Variants in MALRD1 observed in about 807,000 individuals in gnomAD.
MALRD1 encodes the protein MAM and LDL-receptor class A domain-containing protein 1.
MALRD1 carries 247 observed loss-of-function variants against 242.1 expected under a neutral mutation model. That is an observed-to-expected ratio of 1.02 (90% CI 0.92 to 1.13). The LOEUF is 1.13. Among genes scored for constraint, MALRD1 ranks in the 50% most tolerant of loss-of-function variants. MALRD1 has a pLI of 0.00. For synonymous variants in MALRD1, 995 were observed against 866.6 expected, an observed-to-expected ratio of 1.15 and a Z score of -2.60; for missense variants, 2,989 against 2,533.1, an observed-to-expected ratio of 1.18 and a Z score of -3.86.
chr10:19,354,618 G>A (rs1335079814), intron 26 of MALRD1, among the ~76,000 whole-genome samples: 2 of 151,882 alleles, frequency 1.3e-5, no homozygotes, highest in Admixed American at 6.6e-5. Context: ...GTGAGAACAC[G>A]TGATATTTGT....
At chr10:19,500,697 C>G (rs187484769) in intron 31 of MALRD1, among the ~76,000 whole-genome samples, 89 of 152,274 alleles carry the variant, frequency 5.8e-4, no homozygotes, top group African/African-American at 1.6e-3. Context: ...ATTTTGGCCT[C>G]TTGGACATAG....
At chr10:19,265,741 T>C (rs1041834316) in intron 19 of MALRD1, among the ~76,000 whole-genome samples, 1 of 152,128 alleles carries the variant, frequency 6.6e-6, no homozygotes, top group African/African-American at 2.4e-5. Flanking sequence ...CAATTTCCTC[T>C]AAAGTTTCAT....
At position 19,680,323 on chromosome 10, in the gene MALRD1, T is replaced by C. The variant is rs532723457; in HGVS notation, c.6138-11959T>C. On this transcript the variant is annotated intron_variant, in intron 36 of 39. Transcript: ENST00000454679. ...CTTGTTTTATGAATCTGGGAGCTCC[T>C]GTATTGGGTACATATATATTTAGAA... 2.4e-3 allele frequency among the ~76,000 whole-genome samples: 359 copies of C among 150,580 alleles called. 2 individuals are homozygous for C. The highest frequency in any genetic ancestry group is 8.4e-3 in the African/African-American group (338 of 40,064).
intron 5 of MALRD1, among the ~76,000 whole-genome samples, chr10:19,122,183 G>A: frequency 6.6e-6 from 1 of 152,156 alleles, no homozygotes; most frequent in East Asian, 1.9e-4. Context: ...AGATAGGTGA[G>A]GGAAATAACT....
chr10:19,392,098 G>C (rs1589012167), intron 28 of MALRD1, among the ~76,000 whole-genome samples: 1 of 152,174 alleles, frequency 6.6e-6, no homozygotes, highest in African/African-American at 2.4e-5. Context: ...TTTATATGGG[G>C]TAATACTGAT....
intron 24 of MALRD1, among the ~76,000 whole-genome samples, chr10:19,337,904 T>C (rs1843679867): frequency 6.6e-6 from 1 of 151,600 alleles, no homozygotes; most frequent in African/African-American, 2.4e-5. Flanking sequence ...CCACTAAAAA[T>C]ACAAAAAATT....
At chr10:19,077,553 GA>G (rs1270778223) in intron 2 of MALRD1, among the ~76,000 whole-genome samples, 1 of 151,884 alleles carries the variant, frequency 6.6e-6, no homozygotes, top group Non-Finnish European at 1.5e-5. Flanking sequence ...ATCATGTTTA[GA>G]AAAGAACACT....
chr10:19,191,838 A>C (rs1176257682), intron 14 of MALRD1, among the ~76,000 whole-genome samples: 1 of 152,034 alleles, frequency 6.6e-6, no homozygotes, highest in East Asian at 1.9e-4. Context: ...TCTCTACTAA[A>C]AATACAAAAA....
At chr10:19,095,282 A>G (rs1199658107) in intron 4 of MALRD1, among the ~76,000 whole-genome samples, 3 of 152,202 alleles carry the variant, frequency 2.0e-5, no homozygotes, top group African/African-American at 2.4e-5. Flanking sequence ...TTGGTTGTAA[A>G]TCACTATAAT....
intron 4 of MALRD1, among the ~76,000 whole-genome samples, chr10:19,099,971 G>C (rs1252636124): frequency 6.6e-6 from 1 of 152,054 alleles, no homozygotes; most frequent in Non-Finnish European, 1.5e-5. Flanking sequence ...ATGTTGGCCA[G>C]GTTAGTCTCG....
At chr10:19,389,208 A>G in intron 27 of MALRD1, 1 of 603,016 alleles carries the variant, frequency 1.7e-6, no homozygotes, top group Non-Finnish European at 3.1e-6. Flanking sequence ...GACGGCATAA[A>G]TATCCCATCA....
intron 17 of MALRD1, among the ~76,000 whole-genome samples, chr10:19,205,746 G>A (rs548579440): frequency 3.3e-4 from 50 of 152,098 alleles, no homozygotes; most frequent in Non-Finnish European, 6.9e-4. Flanking sequence ...GCTGGAGCAA[G>A]GAATGAAGGG....
At chr10:19,351,752 A>G (rs1271575690) in intron 25 of MALRD1, among the ~76,000 whole-genome samples, 1 of 152,136 alleles carries the variant, frequency 6.6e-6, no homozygotes. Flanking sequence ...AAAGAAAGTA[A>G]ACTCAGCCCT....
At chr10:19,731,514 G>T (rs1482533079) in intron 39 of MALRD1, among the ~76,000 whole-genome samples, 1 of 151,914 alleles carries the variant, frequency 6.6e-6, no homozygotes. Context: ...GTGTGTGTGT[G>T]TGTGTGCTGA....
At chr10:19,483,814 A>G (rs1227940385) in intron 29 of MALRD1, among the ~76,000 whole-genome samples, 1 of 152,128 alleles carries the variant, frequency 6.6e-6, no homozygotes, top group African/African-American at 2.4e-5. Flanking sequence ...TAAAAAAAAG[A>G]TGCATGAATG....
Position 19,605,328 on chromosome 10 carries a change from T to TTTA in MALRD1, c.5945-2435_5945-2433dup, listed in dbSNP as rs913040029. Reference sequence around the variant, plus strand: ...AGCCACCAATCCTGGCTATTTTTATTTTATTATTATTATTATGTTAGTAGG... The same window carrying TTTA: ...AGCCACCAATCCTGGCTATTTTTATTTTATTATTATTATTATTATGTTAGTAGG... On this transcript the variant is annotated intron_variant, in intron 34 of 39. Transcript: ENST00000454679. Among the ~76,000 whole-genome samples, 5 of 151,166 alleles carry TTTA rather than the reference T, an allele frequency of 3.3e-5. No individual in the cohort carries two copies. In the East Asian group the frequency reaches 5.9e-4, roughly 18 times the overall value.
chr10:19,077,179 C>T (rs1252604688), intron 2 of MALRD1, among the ~76,000 whole-genome samples: 1 of 151,720 alleles, frequency 6.6e-6, no homozygotes, highest in African/African-American at 2.4e-5. Context: ...CTTTTTACAT[C>T]ATTTATTTTC....
intron 36 of MALRD1, among the ~76,000 whole-genome samples, chr10:19,646,352 GC>G (rs1840655128): frequency 6.6e-6 from 1 of 152,112 alleles, no homozygotes; most frequent in Admixed American, 6.6e-5. Context: ...GCCTATAATG[GC>G]AGCACTTCGG....
At chr10:19,087,976 TG>T in intron 3 of MALRD1, 42 bp downstream of exon 3, 2 of 1,232,666 alleles carry the variant, frequency 1.6e-6, no homozygotes, top group Non-Finnish European at 2.0e-6. Context: ...TTGTCACATT[TG>T]GGGACTTCTT....
Sources: gnomAD v4.1 joint callset for allele counts (sites outside exome capture counted in the v4.1 genomes callset) on GRCh38, gnomAD v4.1.1 for gene constraint, MANE v1.5 for transcripts, NCBI Gene and HGNC (gene_info 2026-07-23, HGNC 2026-07-21) for gene names.